CEP85L: variants seen among roughly 807,000 people sequenced by gnomAD.
CEP85L encodes centrosomal protein of 85 kDa-like.
CEP85L carries 60 observed loss-of-function variants against 100.3 expected under a neutral mutation model. The observed-to-expected ratio is 0.60, with a 90% CI of 0.49 to 0.74. The LOEUF is 0.74. Among genes scored for constraint, CEP85L ranks in the 30% least tolerant of loss-of-function variants. The pLI is 0.00. For synonymous variants in CEP85L, 319 were observed against 322.7 expected (o/e 0.99, Z 0.12); for missense variants, 973 against 936.2 (o/e 1.04, Z -0.51).
At chr6:118,467,594 C>T (rs566450142) in intron 12 of CEP85L, among the ~76,000 whole-genome samples, 4 of 152,046 alleles carry the variant, frequency 2.6e-5, no homozygotes, top group African/African-American at 7.2e-5. Flanking sequence ...GGGAGGTGGG[C>T]GTGGTAAGAT....
intron 3 of CEP85L, among the ~76,000 whole-genome samples, chr6:118,533,148 G>A (rs905459945): frequency 3.3e-5 from 5 of 151,776 alleles, no homozygotes; most frequent in African/African-American, 1.2e-4. Flanking sequence ...AAAATCAATA[G>A]AGTTTAAAAC....
In CEP85L at chr6:118,631,702, A is replaced by C. The variant is rs969259612; in HGVS notation, c.232+751T>G. Among the ~76,000 whole-genome samples, 4 of 152,334 alleles carry C rather than the reference A, an allele frequency of 2.6e-5. No homozygotes were observed. The Middle Eastern group carries it at 0.01, about 389-fold the overall frequency. ...GGATGAAAATCCAGAGAAAAAAGCC[A>C]CTTTCAAATTCCAGTTATGATTCCA... On this transcript the variant is annotated intron_variant, in intron 2 of 12. Coordinates refer to ENST00000368491, the MANE Select transcript of CEP85L (RefSeq NM_001042475.3).
At chr6:118,601,506 TG>T (rs1781786450) in intron 2 of CEP85L, among the ~76,000 whole-genome samples, 1 of 152,244 alleles carries the variant, frequency 6.6e-6, no homozygotes, top group African/African-American at 2.4e-5. Flanking sequence ...TTATAAATTA[TG>T]AAATATTTGA....
At chr6:118,501,831 A>AGG (rs1491073057) in intron 5 of CEP85L, 2 of 1,174,618 alleles carry the variant, frequency 1.7e-6, no homozygotes, top group Non-Finnish European at 1.2e-6. Flanking sequence ...AGAGAGAGAG[A>AGG]GGACTCTGGA....
chr6:118,610,906 A>C (rs1772562903), intron 2 of CEP85L, among the ~76,000 whole-genome samples: 1 of 152,236 alleles, frequency 6.6e-6, no homozygotes, highest in Admixed American at 6.5e-5. Flanking sequence ...GCATCAGACT[A>C]GAAATGTGTA....
At chr6:118,500,939 CT>C (rs1322946272) in intron 5 of CEP85L, among the ~76,000 whole-genome samples, 2 of 152,228 alleles carry the variant, frequency 1.3e-5, no homozygotes, top group Non-Finnish European at 2.9e-5. Flanking sequence ...AAGTCTTTTT[CT>C]GCCTCATTCT....
In CEP85L at chr6:118,537,524, C is replaced by T. The variant is rs1373112736; in HGVS notation, c.1021-13604G>A. 7 of 985,050 alleles carry T rather than the reference C, an allele frequency of 7.1e-6. No individual in the cohort carries two copies. The East Asian group carries it at 7.9e-4, about 112-fold the overall frequency. 61.0% of individuals were successfully genotyped at this position (985,050 alleles called of 1,614,324 possible). A position where few individuals can be genotyped will look rare whatever the true frequency, so the allele number is the denominator to read the frequency against. ...AGACCCAGAAAATATACATAGGTAC[C>T]TCTTCTTGGAAATGGCAGATTCCAC... On this transcript the variant is annotated intron_variant, in intron 3 of 12. Coordinates refer to ENST00000368491, the MANE Select transcript of CEP85L (RefSeq NM_001042475.3).
chr6:118,697,537 A>T (rs1298970940), intron 1 of CEP85L, among the ~76,000 whole-genome samples: 2 of 152,288 alleles, frequency 1.3e-5, no homozygotes, highest in East Asian at 1.9e-4. Context: ...GCACTTCAGT[A>T]ATCTATTTTG....
chr6:118,689,781 A>T (rs1334377357), intron 1 of CEP85L, among the ~76,000 whole-genome samples: 1 of 152,186 alleles, frequency 6.6e-6, no homozygotes, highest in Non-Finnish European at 1.5e-5. Context: ...AAAGAGATGA[A>T]TTGCAATAGT....
intron 4 of CEP85L, among the ~76,000 whole-genome samples, chr6:118,520,211 T>C (rs977745404): frequency 1.3e-5 from 2 of 152,144 alleles, no homozygotes; most frequent in Non-Finnish European, 1.5e-5. Context: ...TTTACTTCAG[T>C]AGAAGGCAAG....
At chr6:118,474,545 G>T (rs1253224855) in intron 10 of CEP85L, among the ~76,000 whole-genome samples, 1 of 152,186 alleles carries the variant, frequency 6.6e-6, no homozygotes, top group Admixed American at 6.5e-5. Flanking sequence ...CCTGACCCTT[G>T]CCCCAGCTTG....
At chr6:118,522,523 A>G (rs1167518428) in intron 4 of CEP85L, among the ~76,000 whole-genome samples, 1 of 152,110 alleles carries the variant, frequency 6.6e-6, no homozygotes, top group East Asian at 1.9e-4. Flanking sequence ...ACAATCCTTC[A>G]TTTATCAAGT....
intron 11 of CEP85L, 64 bp downstream of exon 11, chr6:118,470,473 C>T: frequency 1.1e-6 from 1 of 875,420 alleles, no homozygotes; most frequent in East Asian, 2.8e-5. Flanking sequence ...CTATTAATAT[C>T]TATAAAATAA....
chr6:118,542,900 CAAAAAAA>C (rs71012391), intron 3 of CEP85L, among the ~76,000 whole-genome samples: 2 of 67,136 alleles, frequency 3.0e-5, no homozygotes, highest in African/African-American at 5.5e-5. Context: ...CAAGTTTTCC[CAAAAAAA>C]AAAAAAAAAA....
chr6:118,615,828 C>A (rs1186131193), intron 2 of CEP85L, among the ~76,000 whole-genome samples: 2 of 152,222 alleles, frequency 1.3e-5, no homozygotes, highest in Non-Finnish European at 2.9e-5. Context: ...TCTCATACAT[C>A]ACTGCTAGAA....
intron 3 of CEP85L, among the ~76,000 whole-genome samples, chr6:118,556,682 T>C (rs1036653804): frequency 6.6e-6 from 1 of 152,162 alleles, no homozygotes; most frequent in Non-Finnish European, 1.5e-5. Context: ...ACACCTGGGG[T>C]AAGGTAGTAA....
At chr6:118,635,705 C>T (rs1281891483) in intron 1 of CEP85L, among the ~76,000 whole-genome samples, 1 of 152,172 alleles carries the variant, frequency 6.6e-6, no homozygotes, top group Non-Finnish European at 1.5e-5. Context: ...GGCAATATAA[C>T]TATTTTGAGC....
chr6:118,694,923 T>A (rs560037381), intron 1 of CEP85L, among the ~76,000 whole-genome samples: 58 of 152,306 alleles, frequency 3.8e-4, no homozygotes, highest in Non-Finnish European at 6.5e-4. Flanking sequence ...GACCTAGACT[T>A]TTATTACTAA....
chr6:118,465,316 A>G lies in CEP85L; in HGVS notation c.*89T>C. ...CACAGAAAAAAAATCCCTAAGTGCA[A>G]GTCATGTCACTTGCAACCTTCCATT... On this transcript the variant is annotated 3_prime_UTR_variant, in exon 13 of 13. Transcript: ENST00000368491. 2.3e-6 allele frequency: 3 copies of G among 1,277,266 alleles called. No individual in the cohort carries two copies. The highest frequency in any genetic ancestry group is 3.2e-6 in the Non-Finnish European group (3 of 937,206). The allele number at this position is 1,277,266 out of a possible 1,614,324, so 79.1% of individuals were successfully genotyped here.
Sources: allele counts gnomAD v4.1 joint callset (sites outside exome capture counted in the v4.1 genomes callset), GRCh38; gene constraint gnomAD v4.1.1; transcripts MANE v1.5; gene names NCBI Gene and HGNC (gene_info 2026-07-23, HGNC 2026-07-21).